Variants in SSBP3 observed in about 807,000 individuals in gnomAD.
The protein encoded by SSBP3 is single-stranded DNA-binding protein 3.
SSBP3 carries 5 observed loss-of-function variants against 69.6 expected under a neutral mutation model. The ratio of observed to expected loss-of-function variants is 0.07; its 90% confidence interval spans 0.04 to 0.15. The LOEUF (loss-of-function observed/expected upper bound fraction) is 0.15, where lower values mean the gene tolerates loss of function less well. Among genes scored for constraint, SSBP3 ranks in the 10% least tolerant of loss-of-function variants. The probability of loss-of-function intolerance (pLI) is 1.00; values close to 1 mark genes in which losing one functional copy is unlikely to be tolerated. For missense variants in SSBP3, 312 were observed against 534.0 expected (o/e 0.58, Z 4.10); for synonymous variants, 196 against 193.4 (o/e 1.01, Z -0.11).
At chr1:54,401,705 A>G (rs1649314679) in intron 4 of SSBP3, among the ~76,000 whole-genome samples, 156 bp downstream of exon 4, 1 of 152,234 alleles carries the variant, frequency 6.6e-6, no homozygotes, top group South Asian at 2.1e-4. Context: ...GAAAGGTACC[A>G]TTGGGAGGGC....
chr1:54,304,748 T>C (rs1569718084), intron 4 of SSBP3, among the ~76,000 whole-genome samples: 1 of 152,150 alleles, frequency 6.6e-6, no homozygotes, highest in African/African-American at 2.4e-5. Context: ...AGGGTTGAGT[T>C]TGTGGATGCT....
At chr1:54,271,525 G>C (rs893101879) in intron 5 of SSBP3, among the ~76,000 whole-genome samples, 3 of 152,216 alleles carry the variant, frequency 2.0e-5, no homozygotes, top group African/African-American at 7.2e-5. Flanking sequence ...TGAAGAGGCT[G>C]GGTCACTGCC....
At chr1:54,225,543 G>C (rs1403789100) in exon 18 of SSBP3, 1 of 771,486 alleles carries the variant, frequency 1.3e-6, no homozygotes, top group Non-Finnish European at 1.7e-6. Context: ...CAGACTACAA[G>C]GTAAGAAAAA....
At chr1:54,404,242 CTCT>C (rs1649528022) in intron 3 of SSBP3, among the ~76,000 whole-genome samples, 1 of 152,196 alleles carries the variant, frequency 6.6e-6, no homozygotes, top group Non-Finnish European at 1.5e-5. Context: ...ACCCCCACTC[CTCT>C]AATTAAAGCA....
chr1:54,276,606 C>G (rs1416476662), intron 5 of SSBP3, among the ~76,000 whole-genome samples: 1 of 25,880 alleles, frequency 3.9e-5, no homozygotes, highest in African/African-American at 2.8e-4. Context: ...GAGACTCTGT[C>G]TCAAAAAAAA....
At chr1:54,228,689 G>A (rs775852436) in intron 15 of SSBP3, 59 bp downstream of exon 15, 150 of 1,535,460 alleles carry the variant, frequency 9.8e-5, no homozygotes, top group Non-Finnish European at 1.3e-4. Context: ...GCCAGGAGCT[G>A]AGGCACAGAG....
At chr1:54,281,310 C>T in intron 5 of SSBP3, 128 bp downstream of exon 5, 1 of 696,450 alleles carries the variant, frequency 1.4e-6, no homozygotes, top group Non-Finnish European at 2.4e-6. Context: ...GGATTTGAAC[C>T]AGCATAAAGC....
chr1:54,405,972 C>T, exon 1 of SSBP3: 1 of 1,471,406 alleles, frequency 6.8e-7, no homozygotes. Context: ...GCCTGCCCAT[C>T]CGAGGGCACC....
chr1:54,358,902 C>T (rs192851776), intron 4 of SSBP3, among the ~76,000 whole-genome samples: 8 of 152,276 alleles, frequency 5.3e-5, no homozygotes, highest in East Asian at 1.9e-4. Context: ...GGCCTGGGAA[C>T]GCAGTTAATA....
chr1:54,267,742 G>T (rs1003602552), intron 5 of SSBP3, among the ~76,000 whole-genome samples: 1 of 152,150 alleles, frequency 6.6e-6, no homozygotes, highest in African/African-American at 2.4e-5. Context: ...GATCTGTATC[G>T]TGGGAATCAC....
chr1:54,263,999 A>C (rs1189719643), intron 5 of SSBP3, among the ~76,000 whole-genome samples: 7 of 152,210 alleles, frequency 4.6e-5, no homozygotes, highest in African/African-American at 1.7e-4. Context: ...AAACAAAAAC[A>C]AAAACAAAAG....
chr1:54,298,850 C>T (rs927060583), intron 4 of SSBP3, among the ~76,000 whole-genome samples: 12 of 152,076 alleles, frequency 7.9e-5, no homozygotes, highest in South Asian at 2.1e-4. Flanking sequence ...TCCATCATCT[C>T]GCTTTATCTA....
At chr1:54,375,183 C>T (rs564630750) in intron 4 of SSBP3, among the ~76,000 whole-genome samples, 25 of 152,270 alleles carry the variant, frequency 1.6e-4, no homozygotes, top group African/African-American at 5.1e-4. Context: ...TGGAGGGCTC[C>T]GCAGCACAAC....
At chr1:54,391,942 A>C (rs1648528829) in intron 4 of SSBP3, among the ~76,000 whole-genome samples, 1 of 152,136 alleles carries the variant, frequency 6.6e-6, no homozygotes, top group African/African-American at 2.4e-5. Flanking sequence ...CAGCAGGGAC[A>C]GGCTGCAAAC....
At chr1:54,327,850 C>G (rs1329563546) in intron 4 of SSBP3, among the ~76,000 whole-genome samples, 1 of 152,212 alleles carries the variant, frequency 6.6e-6, no homozygotes, top group Non-Finnish European at 1.5e-5. Context: ...TCCCCTCCCC[C>G]ATCCCAGGCA....
At position 54,256,687 on chromosome 1, in the gene SSBP3, C is replaced by G. The variant is rs185652835; in HGVS notation, c.507+440G>C. Among the ~76,000 whole-genome samples, 63 of 152,286 alleles carry G rather than the reference C, an allele frequency of 4.1e-4. 1 individual carries two copies. The highest frequency in any genetic ancestry group is 9.1e-4 in the Admixed American group (14 of 15,302). On this transcript the variant is annotated intron_variant, in intron 7 of 17. Transcript: ENST00000610401. Reference sequence around the variant, plus strand: ...AGCATTCCTACGGGCCATTTCCCCCCCTAATAGCAGGATTATATTTACCAG... The same window carrying G: ...AGCATTCCTACGGGCCATTTCCCCCGCTAATAGCAGGATTATATTTACCAG...
intron 4 of SSBP3, among the ~76,000 whole-genome samples, chr1:54,377,742 G>A (rs1223292833): frequency 6.6e-6 from 1 of 152,196 alleles, no homozygotes. Flanking sequence ...AACTTGGAGT[G>A]TTGGTGATAC....
chr1:54,391,633 GCTT>G (rs1232298881), intron 4 of SSBP3, among the ~76,000 whole-genome samples: 1 of 152,204 alleles, frequency 6.6e-6, no homozygotes, highest in African/African-American at 2.4e-5. Flanking sequence ...GAGCAGTTGT[GCTT>G]CTTAAGGTCA....
At position 54,316,565 on chromosome 1, in the gene SSBP3, C is replaced by T. The variant is rs1409881023; in HGVS notation, c.277-35038G>A. 3.8e-4 allele frequency among the ~76,000 whole-genome samples: 55 copies of T among 144,256 alleles called. No individual in the cohort carries two copies. In the East Asian group the frequency reaches 7.9e-3, roughly 21 times the overall value. The allele number at this position is 144,256 out of a possible 152,430, so 94.6% of individuals were successfully genotyped here. Reference sequence around the variant, plus strand: ...CTGAGGCAGGAGAATGGCGTGAACCCGGGAAGCGGAGCTTGCAGTGAGCCG... The same window carrying T: ...CTGAGGCAGGAGAATGGCGTGAACCTGGGAAGCGGAGCTTGCAGTGAGCCG... On this transcript the variant is annotated intron_variant, in intron 4 of 17. Coordinates refer to ENST00000610401, the Ensembl canonical transcript of SSBP3.
Sources: gnomAD v4.1 joint callset for allele counts (sites outside exome capture counted in the v4.1 genomes callset) on GRCh38, gnomAD v4.1.1 for gene constraint, MANE v1.5 for transcripts, NCBI Gene and HGNC (gene_info 2026-07-23, HGNC 2026-07-21) for gene names.